Variants in SRRD observed in about 807,000 individuals in gnomAD.
SRRD encodes the protein SRR1-like protein.
A neutral mutation model predicts 30.7 loss-of-function variants in SRRD; 28 were observed. The observed-to-expected ratio is 0.91, with a 90% CI of 0.68 to 1.25. SRRD has a LOEUF of 1.25. SRRD is among the 50% of genes most tolerant of loss of function. The pLI, the probability that SRRD is intolerant of heterozygous loss-of-function variation, is 0.00. For missense variants in SRRD, 415 were observed against 417.3 expected (o/e 0.99, Z 0.05); for synonymous variants, 161 against 159.6 (o/e 1.01, Z -0.07).
chr22:26,491,105 G>A (rs1216571237), intron 6 of SRRD, 35 bp downstream of exon 6: 2 of 1,595,646 alleles, frequency 1.3e-6, no homozygotes, highest in Non-Finnish European at 1.7e-6. Flanking sequence ...GGATGGAAAA[G>A]GGTGTGAAAC....
At chr22:26,486,154 T>C (rs2091707163) in intron 2 of SRRD, 91 bp downstream of exon 2, 2 of 1,543,556 alleles carry the variant, frequency 1.3e-6, no homozygotes, top group Admixed American at 3.4e-5. Context: ...GAGGGATAAC[T>C]TGCTGGGTTC....
chr22:26,487,949 T>C, intron 2 of SRRD, 80 bp from the exon 3 acceptor site: 1 of 1,480,734 alleles, frequency 6.8e-7, no homozygotes, highest in African/African-American at 1.4e-5. Context: ...TCCCCAAATA[T>C]GTGAACTTCT....
At position 26,490,559 on chromosome 22, in the gene SRRD, C is replaced by CCTTTTT. The variant is rs1182177256; in HGVS notation, c.764+361_764+362insCTTTTT. ...ATGGGCACAATTACTGGAATATTTGCTTTTTTTTTTTTTTTTTTTTTTGAG... is the reference window on the plus strand; with the variant it reads ...ATGGGCACAATTACTGGAATATTTGCCTTTTTTTTTTTTTTTTTTTTTTTTTTTGAG... On this transcript the variant is annotated intron_variant, in intron 5 of 6. Transcript: ENST00000215917. Among the ~76,000 whole-genome samples the CCTTTTT allele has an allele frequency of 3.6e-3, 187 of 51,886 alleles. 12 individuals carry two copies. Among genetic ancestry groups the CCTTTTT allele is most frequent in the Non-Finnish European group, 4.0e-3 (117 of 29,520 alleles). 34.0% of individuals were successfully genotyped at this position (51,886 alleles called of 152,430 possible).
chr22:26,484,645 CAAAG>C (rs1462228778), intron 1 of SRRD, among the ~76,000 whole-genome samples: 1 of 152,088 alleles, frequency 6.6e-6, no homozygotes, highest in African/African-American at 2.4e-5. Context: ...CTCAAAGAGA[CAAAG>C]AAAATGTGTG....
Position 26,494,335 on chromosome 22 carries a change from C to T in SRRD, c.*2663C>T, listed in dbSNP as rs540030929. The T allele has an allele frequency of 2.5e-5, 41 of 1,613,976 alleles. No individual in the cohort carries two copies. The South Asian group carries it at 3.8e-4, about 15-fold the overall frequency. ...AAAAAGAAAAATTACTTGCATCCAT[C>T]GTGGCAACAAATGAAGGCAAGATTT... On this transcript the variant is annotated 3_prime_UTR_variant, in exon 7 of 7. Transcript: ENST00000215917.
rs1247345258 is a variant in SRRD at position 26,494,326 on chromosome 22, T to C, written c.*2654T>C. 6.2e-7 allele frequency: 1 copy of C among 1,614,178 alleles called. No individual in the cohort carries two copies. The highest frequency in any genetic ancestry group is 8.5e-7 in the Non-Finnish European group (1 of 1,180,020). On this transcript the variant is annotated 3_prime_UTR_variant, in exon 7 of 7. Transcript: ENST00000215917. The stretch of plus-strand genomic sequence containing the variant: ...GCACCTGCCAAAAAGAAAAATTACT[T>C]GCATCCATCGTGGCAACAAATGAAG...
In SRRD at chr22:26,491,756, A is replaced by G. The variant is rs1921215406; in HGVS notation, c.*84A>G. 7.8e-7 allele frequency: 1 copy of G among 1,283,412 alleles called. No individual in the cohort carries two copies. The highest frequency in any genetic ancestry group is 1.1e-6 in the Non-Finnish European group (1 of 926,674). The allele number at this position is 1,283,412 out of a possible 1,614,324, so 79.5% of individuals were successfully genotyped here. A position where few individuals can be genotyped will look rare whatever the true frequency, so the allele number is the denominator to read the frequency against. On this transcript the variant is annotated 3_prime_UTR_variant, in exon 7 of 7. Transcript: ENST00000215917. ...GAAGGCTGCTATGGAGGAACTACAG[A>G]GAACTCCTTTGCCAGGAAAGAACAT...
rs778406554 is a variant in SRRD at position 26,488,083 on chromosome 22, G to A, written c.305G>A (p.Gly102Glu). Residue 102 changes from glycine (G) to glutamate (E), a missense_variant, in exon 3 of 7, where the codon GGG becomes GAG. Coordinates refer to ENST00000215917, the MANE Select transcript of SRRD (RefSeq NM_001013694.3). The part of the protein sequence containing the change: ...KHLEQLKAPV[G>E]TLSDIFGNLH... Reference sequence around the variant, plus strand: ...CTGGAACAACTGAAGGCCCCTGTGGGGACTCTTTCAGACATCTTTGGAAAC... The same window carrying A: ...CTGGAACAACTGAAGGCCCCTGTGGAGACTCTTTCAGACATCTTTGGAAAC... 3 of 1,614,088 alleles carry A rather than the reference G, an allele frequency of 1.9e-6. No homozygotes were observed. Among genetic ancestry groups the A allele is most frequent in the South Asian group, 1.1e-5 (1 of 91,070 alleles).
Position 26,491,516 on chromosome 22 carries a change from C to G in SRRD, c.864C>G (p.Asp288Glu). 6.2e-7 allele frequency: 1 copy of G among 1,614,092 alleles called. No homozygotes were observed. Among genetic ancestry groups the G allele is most frequent in the Non-Finnish European group, 8.5e-7 (1 of 1,179,984 alleles). Residue 288 changes from aspartate to glutamate, a missense_variant, in exon 7 of 7, where the codon GAC becomes GAG. By Grantham distance (45) the Asp-to-Glu change is conservative. Coordinates refer to ENST00000215917, the MANE Select transcript of SRRD (RefSeq NM_001013694.3). ...LEFPQTSQYM[D>E]IFNDTSVHWF... ...TTCCTCAGACTTCACAATACATGGACATATTTAATGATACCTCTGTCCACT... is the reference window on the plus strand; with the variant it reads ...TTCCTCAGACTTCACAATACATGGAGATATTTAATGATACCTCTGTCCACT...
chr22:26,487,616 C>T (rs948715108), intron 2 of SRRD, among the ~76,000 whole-genome samples: 4 of 152,206 alleles, frequency 2.6e-5, no homozygotes, highest in African/African-American at 9.7e-5. Flanking sequence ...TCACCTAGGC[C>T]TCCCAAAGTG....
intron 2 of SRRD, among the ~76,000 whole-genome samples, chr22:26,487,101 T>G (rs1436948986): frequency 1.3e-5 from 2 of 151,834 alleles, no homozygotes; most frequent in Admixed American, 1.3e-4. Context: ...TTTGTATTTT[T>G]GTAGAGATGG....
chr22:26,486,006 A>T lies in SRRD; in HGVS notation c.210-17A>T, dbSNP rs755468992. On this transcript the variant is annotated splice_polypyrimidine_tract_variant and intron_variant, in intron 1 of 6. Transcript: ENST00000215917. ...GAGATGGGTGGGACATGACTGTGCC[A>T]TTTTTTTTCTCAACAGGAAGGACCT... 9 of 1,613,532 alleles carry T rather than the reference A, an allele frequency of 5.6e-6. No homozygotes were observed. The East Asian group carries it at 1.3e-4, about 24-fold the overall frequency.
intron 4 of SRRD, 120 bp downstream of exon 4, chr22:26,488,608 T>G: frequency 1.3e-6 from 1 of 763,698 alleles, no homozygotes; most frequent in Non-Finnish European, 2.3e-6. Context: ...TACCGCCTGC[T>G]CACTTTTGTA....
In SRRD at chr22:26,491,511, A is replaced by G. The variant is rs778148664; in HGVS notation, c.859A>G (p.Met287Val). The G allele has an allele frequency of 1.4e-5, 22 of 1,614,004 alleles. No individual in the cohort carries two copies. The highest frequency in any genetic ancestry group is 1.8e-5 in the Non-Finnish European group (21 of 1,179,996). ...ELEFPQTSQYMDIFNDTSVHW... is the reference protein window; with the variant it reads ...ELEFPQTSQYVDIFNDTSVHW... ...TGAGTTTCCTCAGACTTCACAATAC[A>G]TGGACATATTTAATGATACCTCTGT... The change falls in exon 7 of 7, where the codon ATG becomes GTG. Residue 287 changes from methionine (M) to valine (V), a missense_variant. Physicochemically the swap from Met to Val is conservative, Grantham distance 21. Transcript: ENST00000215917.
Position 26,491,760 on chromosome 22 carries a change from C to T in SRRD, c.*88C>T. 1 of 1,248,032 alleles carries T rather than the reference C, an allele frequency of 8.0e-7. No individual in the cohort carries two copies. The highest frequency in any genetic ancestry group is 1.5e-5 in the African/African-American group (1 of 66,522). 77.3% of individuals were successfully genotyped at this position (1,248,032 alleles called of 1,614,324 possible). On this transcript the variant is annotated 3_prime_UTR_variant, in exon 7 of 7. Transcript: ENST00000215917. ...GCTGCTATGGAGGAACTACAGAGAA[C>T]TCCTTTGCCAGGAAAGAACATCAAC...
In SRRD at chr22:26,494,019, A is replaced by C; in HGVS notation, c.*2347A>C. ...GGGTGAGAGTCTGTTGCTATGTGCA[A>C]AAGTGTGACCTAAGGTTTAGGCTGC... On this transcript the variant is annotated 3_prime_UTR_variant, in exon 7 of 7. Transcript: ENST00000215917. The C allele has an allele frequency of 8.5e-7, 1 of 1,170,030 alleles. No homozygotes were observed. Among genetic ancestry groups the C allele is most frequent in the Non-Finnish European group, 1.2e-6 (1 of 826,554 alleles). 72.5% of individuals were successfully genotyped at this position (1,170,030 alleles called of 1,614,324 possible). A position where few individuals can be genotyped will look rare whatever the true frequency, so the allele number is the denominator to read the frequency against.
At chr22:26,490,296 C>A in intron 5 of SRRD, 98 bp downstream of exon 5, 1 of 1,358,748 alleles carries the variant, frequency 7.4e-7, no homozygotes, top group Non-Finnish European at 1.0e-6. Context: ...CGATTCCATA[C>A]TGGGGAAATG....
In SRRD at chr22:26,484,014, CGGGGG is replaced by C; in HGVS notation, c.125_129del (p.Arg42GlnfsTer15). Reference sequence around the variant, plus strand: ...GCCCCGGGGGAGAGAGGCGGCGCCCCGGGGGAGAGAGGCGGCGCCCCGGGGCCCCG... The same window carrying C: ...GCCCCGGGGGAGAGAGGCGGCGCCCCAGAGAGGCGGCGCCCCGGGGCCCCG... On this transcript the variant is annotated frameshift_variant, in exon 1 of 7. Transcript: ENST00000215917. LOFTEE classifies it high-confidence loss of function. 1.4e-6 allele frequency: 2 copies of C among 1,402,724 alleles called. No homozygotes were observed. The highest frequency in any genetic ancestry group is 1.8e-6 in the Non-Finnish European group (2 of 1,081,496). The allele number at this position is 1,402,724 out of a possible 1,614,324, so 86.9% of individuals were successfully genotyped here.
At position 26,486,068 on chromosome 22, in the gene SRRD, G is replaced by T; in HGVS notation, c.250+5G>T. 6.2e-7 allele frequency: 1 copy of T among 1,614,192 alleles called. No homozygotes were observed. The highest frequency in any genetic ancestry group is 8.5e-7 in the Non-Finnish European group (1 of 1,180,026). On this transcript the variant is annotated splice_donor_5th_base_variant and intron_variant, in intron 2 of 6. Transcript: ENST00000215917. Reference sequence around the variant, plus strand: ...ATTTCTGGAGTTCAGCACTAGGTGGGTACCACTTGGCCAATGGTAGGGATT... The same window carrying T: ...ATTTCTGGAGTTCAGCACTAGGTGGTTACCACTTGGCCAATGGTAGGGATT...
Sources: gnomAD v4.1 joint callset for allele counts (sites outside exome capture counted in the v4.1 genomes callset) on GRCh38, gnomAD v4.1.1 for gene constraint, MANE v1.5 for transcripts, NCBI Gene and HGNC (gene_info 2026-07-23, HGNC 2026-07-21) for gene names.